CDH12: variants seen among roughly 807,000 people sequenced by gnomAD.
The protein encoded by CDH12 is cadherin-12.
Under a neutral mutation model 74.1 loss-of-function variants are expected in CDH12, and 41 were observed. The observed-to-expected ratio is 0.55, with a 90% CI of 0.43 to 0.72. CDH12 has a LOEUF of 0.72. Among genes scored for constraint, CDH12 ranks in the 30% least tolerant of loss-of-function variants. The probability of loss-of-function intolerance (pLI) is 0.00; values close to 1 mark genes in which losing one functional copy is unlikely to be tolerated. For missense variants in CDH12, 945 were observed against 977.2 expected, an observed-to-expected ratio of 0.97 and a Z score of 0.44; for synonymous variants, 399 against 355.0, an observed-to-expected ratio of 1.12 and a Z score of -1.39.
chr5:22,598,780 T>C (rs1027665098), intron 1 of CDH12, among the ~76,000 whole-genome samples: 5 of 152,186 alleles, frequency 3.3e-5, no homozygotes, highest in African/African-American at 1.2e-4. Flanking sequence ...TAATTGATGC[T>C]GGCAACTATA....
In CDH12 at chr5:22,326,071, G is replaced by A. The variant is rs545858832; in HGVS notation, c.-333+79186C>T. On this transcript the variant is annotated intron_variant, in intron 3 of 14. Transcript: ENST00000382254. ...AGAGGTCAATATCATATATGTCACT[G>A]TGAAATATTGTATTATTCAAGATAC... 3.9e-5 allele frequency among the ~76,000 whole-genome samples: 6 copies of A among 152,302 alleles called. No individual in the cohort carries two copies. The South Asian group carries it at 1.2e-3, about 32-fold the overall frequency.
At chr5:22,553,949 TA>T in intron 1 of CDH12, among the ~76,000 whole-genome samples, 1 of 152,292 alleles carries the variant, frequency 6.6e-6, no homozygotes, top group South Asian at 2.1e-4. Context: ...CACAAATACT[TA>T]AAAATGCTTA....
chr5:21,972,006 G>A (rs1445494816), intron 6 of CDH12, among the ~76,000 whole-genome samples: 2 of 151,980 alleles, frequency 1.3e-5, no homozygotes, highest in African/African-American at 2.4e-5. Flanking sequence ...ATTTTCCTCT[G>A]AAATCTTGAC....
intron 6 of CDH12, among the ~76,000 whole-genome samples, chr5:21,966,416 G>A (rs983945182): frequency 1.3e-5 from 2 of 151,964 alleles, no homozygotes; most frequent in African/African-American, 4.8e-5. Context: ...ATGAATAAGT[G>A]TAACTGTTCC....
intron 3 of CDH12, among the ~76,000 whole-genome samples, chr5:22,298,103 T>G (rs527892867): frequency 8.2e-4 from 123 of 150,750 alleles, no homozygotes; most frequent in African/African-American, 2.7e-3. Context: ...TGATGCCTAA[T>G]GGAGAAAAAT....
At chr5:22,268,692 C>T (rs1736247063) in intron 3 of CDH12, among the ~76,000 whole-genome samples, 1 of 151,970 alleles carries the variant, frequency 6.6e-6, no homozygotes, top group Non-Finnish European at 1.5e-5. Flanking sequence ...AATTATTTAT[C>T]TTGTATTATC....
intron 4 of CDH12, among the ~76,000 whole-genome samples, chr5:22,137,165 T>G (rs534052862): frequency 6.6e-6 from 1 of 152,114 alleles, no homozygotes; most frequent in Non-Finnish European, 1.5e-5. Flanking sequence ...CAAATTTTCT[T>G]AGAAGTAATC....
chr5:21,752,331 T>C, intron 14 of CDH12, 95 bp from the exon 15 acceptor site: 6 of 1,031,260 alleles, frequency 5.8e-6, no homozygotes, highest in Non-Finnish European at 8.5e-6. Context: ...GTGGCTGAGT[T>C]TCGTGAATGA....
intron 5 of CDH12, among the ~76,000 whole-genome samples, chr5:21,982,916 A>G (rs1382832855): frequency 6.6e-6 from 1 of 151,638 alleles, no homozygotes; most frequent in African/African-American, 2.4e-5. Flanking sequence ...TTATTTATGT[A>G]TTTTTTTAAT....
chr5:22,558,187 C>T (rs950367702), intron 1 of CDH12, among the ~76,000 whole-genome samples: 27 of 152,056 alleles, frequency 1.8e-4, no homozygotes, highest in South Asian at 4.1e-4. Flanking sequence ...GTCTGAATTG[C>T]ACAACAGAAA....
chr5:22,029,195 G>T (rs551645852), intron 5 of CDH12, among the ~76,000 whole-genome samples: 6 of 152,064 alleles, frequency 3.9e-5, no homozygotes, highest in Non-Finnish European at 8.8e-5. Context: ...TCAGGACATA[G>T]GCATGGGCAA....
intron 4 of CDH12, among the ~76,000 whole-genome samples, chr5:22,116,010 C>T (rs1701075692): frequency 6.6e-6 from 1 of 152,098 alleles, no homozygotes; most frequent in Non-Finnish European, 1.5e-5. Flanking sequence ...ACTTTTATCT[C>T]CTCATGTCAT....
chr5:22,369,980 A>C (rs1392995249), intron 3 of CDH12, among the ~76,000 whole-genome samples: 1 of 152,176 alleles, frequency 6.6e-6, no homozygotes, highest in African/African-American at 2.4e-5. Flanking sequence ...AAAATTATTT[A>C]GGCAATATAC....
At chr5:22,608,209 A>G (rs954115712) in intron 1 of CDH12, among the ~76,000 whole-genome samples, 2 of 152,224 alleles carry the variant, frequency 1.3e-5, no homozygotes, top group Admixed American at 6.5e-5. Context: ...ATTCCCTGCA[A>G]AGCCACAGGG....
At chr5:22,588,756 T>C (rs1740536696) in intron 1 of CDH12, among the ~76,000 whole-genome samples, 1 of 152,166 alleles carries the variant, frequency 6.6e-6, no homozygotes. Flanking sequence ...ACACTCTCTG[T>C]CTTCTCTCCT....
At chr5:22,109,275 G>T (rs1214358434) in intron 4 of CDH12, among the ~76,000 whole-genome samples, 1 of 152,128 alleles carries the variant, frequency 6.6e-6, no homozygotes, top group Non-Finnish European at 1.5e-5. Flanking sequence ...GGTAGGTCTA[G>T]TTACAGCTTT....
intron 1 of CDH12, among the ~76,000 whole-genome samples, chr5:22,795,537 T>C (rs1380053960): frequency 6.6e-6 from 1 of 151,564 alleles, no homozygotes; most frequent in Non-Finnish European, 1.5e-5. Context: ...TATACACACT[T>C]ATATACATAC....
chr5:22,382,108 T>C (rs1187179958), intron 3 of CDH12, among the ~76,000 whole-genome samples: 3 of 146,252 alleles, frequency 2.1e-5, no homozygotes, highest in Non-Finnish European at 3.0e-5. Flanking sequence ...ATAATATATA[T>C]TTATAATATA....
intron 1 of CDH12, among the ~76,000 whole-genome samples, chr5:22,557,655 CA>C (rs1738856229): frequency 6.6e-6 from 1 of 152,010 alleles, no homozygotes; most frequent in Non-Finnish European, 1.5e-5. Context: ...ATATTTTATT[CA>C]GGCCAAATTT....
Sources: gnomAD v4.1 joint callset for allele counts (sites outside exome capture counted in the v4.1 genomes callset) on GRCh38, gnomAD v4.1.1 for gene constraint, MANE v1.5 for transcripts, NCBI Gene and HGNC (gene_info 2026-07-23, HGNC 2026-07-21) for gene names.